CYP20A1: variants seen among roughly 807,000 people sequenced by gnomAD.
CYP20A1 encodes cytochrome P450 family 20 subfamily A member 1, also known as cytochrome P450 20A1.
In CYP20A1, 61 loss-of-function variants were observed where a neutral mutation model predicts 61.4. That is an observed-to-expected ratio of 0.99 (90% CI 0.81 to 1.23). The LOEUF (loss-of-function observed/expected upper bound fraction) is 1.23. CYP20A1 is among the 50% of genes most tolerant of loss of function. CYP20A1 has a pLI of 0.00. For missense variants in CYP20A1, 530 were observed against 542.4 expected, an observed-to-expected ratio of 0.98 and a Z score of 0.23; for synonymous variants, 193 against 188.2, an observed-to-expected ratio of 1.03 and a Z score of -0.21.
chr2:203,266,595 G>A lies in CYP20A1; in HGVS notation c.514G>A (p.Ala172Thr). ...VPLSQHMLGF[A>T]MKSVTQMVMG... ...CCTCAGCCAGCATATGCTTGGTTTTGCTATGAAGTCTGTTACACAGATGGT... is the reference window on the plus strand; with the variant it reads ...CCTCAGCCAGCATATGCTTGGTTTTACTATGAAGTCTGTTACACAGATGGT... Residue 172 changes from alanine to threonine, a missense_variant, in exon 5 of 13, where the codon GCT becomes ACT. Coordinates refer to ENST00000356079, the MANE Select transcript of CYP20A1 (RefSeq NM_177538.3). 6.2e-7 allele frequency: 1 copy of A among 1,614,048 alleles called. No homozygotes were observed. The highest frequency in any genetic ancestry group is 8.5e-7 in the Non-Finnish European group (1 of 1,179,952).
At position 203,299,766 on chromosome 2, in the gene CYP20A1, C is replaced by T. The variant is rs762690680; in HGVS notation, c.*2858C>T. On this transcript the variant is annotated 3_prime_UTR_variant, in exon 13 of 13. Transcript: ENST00000356079. ...GTGCATGCCTGTAATACCAGCTACT[C>T]GGGAGGCTGAAGCAGGAGAACTGCT... is the stretch of plus-strand genomic sequence containing the variant. Among the ~76,000 whole-genome samples, 10 of 151,926 alleles carry T rather than the reference C, an allele frequency of 6.6e-5. No individual in the cohort carries two copies. The highest frequency in any genetic ancestry group is 6.8e-3 in the Middle Eastern group (2 of 294).
chr2:203,262,995 G>GT (rs2067193972), intron 4 of CYP20A1, among the ~76,000 whole-genome samples: 1 of 145,768 alleles, frequency 6.9e-6, no homozygotes, highest in East Asian at 2.1e-4. Flanking sequence ...TTTGTTTTCT[G>GT]TTTTTTGTTT....
Position 203,293,214 on chromosome 2 carries a change from C to CTTTTTTTTT in CYP20A1, c.1148+889_1148+890insTTTTTTTTT, listed in dbSNP as rs575058733. Among the ~76,000 whole-genome samples the CTTTTTTTTT allele has an allele frequency of 1.6e-5, 2 of 128,910 alleles. 1 individual carries two copies. The allele number at this position is 128,910 out of a possible 152,430, so 84.6% of individuals were successfully genotyped here. On this transcript the variant is annotated intron_variant, in intron 11 of 12. Transcript: ENST00000356079. ...ATTTTTAAAAAAGCAGAATTTCTCTCTCTTTTTTTTTTTTTTTTTGAGATG... is the reference window on the plus strand; with the variant it reads ...ATTTTTAAAAAAGCAGAATTTCTCTCTTTTTTTTTTCTTTTTTTTTTTTTTTTTGAGATG...
intron 6 of CYP20A1, among the ~76,000 whole-genome samples, chr2:203,275,719 C>T (rs2067791742): frequency 6.6e-6 from 1 of 152,152 alleles, no homozygotes; most frequent in South Asian, 2.1e-4. Context: ...GGATTACAGG[C>T]GTGAGCCACC....
rs1315319087 is a variant in CYP20A1 at position 203,304,959 on chromosome 2, A to G, written c.*8051A>G. 6.6e-6 allele frequency among the ~76,000 whole-genome samples: 1 copy of G among 152,136 alleles called. No individual in the cohort carries two copies. The highest frequency in any genetic ancestry group is 1.9e-4 in the East Asian group (1 of 5,202). ...ATAAATAAATAAATACATGTTAAAC[A>G]TATACCTTTATTACTTCATTTTTGT... On this transcript the variant is annotated 3_prime_UTR_variant, in exon 13 of 13. Coordinates refer to ENST00000356079, the MANE Select transcript of CYP20A1 (RefSeq NM_177538.3).
rs1314975988 is a variant in CYP20A1, at chr2:203,289,831, T to A, written c.1038T>A (p.Leu346=). The A allele has an allele frequency of 1.9e-6, 3 of 1,599,096 alleles. No individual in the cohort carries two copies. The Admixed American group carries it at 5.1e-5, about 27-fold the overall frequency. The change falls in exon 10 of 13, where the codon CTT becomes CTA. Residue 346 remains leucine (L), a synonymous_variant. Transcript: ENST00000356079. ...AACTGACTCCAGTTTCTGCCCAGCT[T>A]CAAGATATTGAAGGAAAAATTGACC... ...TAKLTPVSAQ[L]QDIEGKIDRF...
chr2:203,294,584 C>T (rs1216412866), intron 11 of CYP20A1, among the ~76,000 whole-genome samples: 1 of 152,032 alleles, frequency 6.6e-6, no homozygotes, highest in Non-Finnish European at 1.5e-5. Flanking sequence ...GTACGCTTTT[C>T]ATTCGCTTTA....
At chr2:203,293,214 CTCTT>C (rs2068619280) in intron 11 of CYP20A1, among the ~76,000 whole-genome samples, 3 of 128,902 alleles carry the variant, frequency 2.3e-5, no homozygotes, top group Non-Finnish European at 1.6e-5. Context: ...GAATTTCTCT[CTCTT>C]TTTTTTTTTT....
intron 6 of CYP20A1, among the ~76,000 whole-genome samples, chr2:203,276,782 G>A (rs1449815301): frequency 2.0e-5 from 3 of 152,148 alleles, no homozygotes; most frequent in Non-Finnish European, 2.9e-5. Context: ...ACATGAGTCT[G>A]GAGCTGAAGA....
At chr2:203,244,392 G>A (rs1248872006) in intron 1 of CYP20A1, among the ~76,000 whole-genome samples, 6 of 151,978 alleles carry the variant, frequency 3.9e-5, no homozygotes, top group Non-Finnish European at 8.8e-5. Context: ...AGTACAGATG[G>A]GGTTGCCATG....
intron 11 of CYP20A1, 45 bp downstream of exon 11, chr2:203,292,371 T>C (rs1226111866): frequency 2.9e-6 from 4 of 1,370,940 alleles, no homozygotes; most frequent in Non-Finnish European, 4.2e-6. Context: ...AGTTTTTGTG[T>C]TTGCACGTTT....
intron 4 of CYP20A1, among the ~76,000 whole-genome samples, 194 bp downstream of exon 4, chr2:203,252,303 C>A (rs2066720463): frequency 6.6e-6 from 1 of 151,930 alleles, no homozygotes. Flanking sequence ...ATCTTAACAT[C>A]CAGACTCACT....
rs2069148401 is a variant in CYP20A1, at chr2:203,304,536, C to A, written c.*7628C>A. 6.6e-6 allele frequency among the ~76,000 whole-genome samples: 1 copy of A among 152,172 alleles called. No individual in the cohort carries two copies. Among genetic ancestry groups the A allele is most frequent in the African/African-American group, 2.4e-5 (1 of 41,460 alleles). On this transcript the variant is annotated 3_prime_UTR_variant, in exon 13 of 13. Coordinates refer to ENST00000356079, the MANE Select transcript of CYP20A1 (RefSeq NM_177538.3). ...TTAAGAGGAAAAAGAATGCTACCAA[C>A]CTAAACACATTTCTGTGACTGTTTA...
chr2:203,258,142 A>T (rs2066993783), intron 4 of CYP20A1, among the ~76,000 whole-genome samples: 1 of 152,162 alleles, frequency 6.6e-6, no homozygotes, highest in South Asian at 2.1e-4. Context: ...GTCTCAAGTG[A>T]TCCTCCTGCC....
intron 7 of CYP20A1, 79 bp from the exon 8 acceptor site, chr2:203,279,980 G>T (rs1007613144): frequency 4.6e-5 from 40 of 874,344 alleles, no homozygotes; most frequent in Non-Finnish European, 6.6e-5. Context: ...CTAATTTTAT[G>T]CTGTAGATTA....
At position 203,303,552 on chromosome 2, in the gene CYP20A1, G is replaced by A. The variant is rs914185824; in HGVS notation, c.*6644G>A. On this transcript the variant is annotated 3_prime_UTR_variant, in exon 13 of 13. Transcript: ENST00000356079. ...CTCTACTAAAAATACCAAAAGTAGC[G>A]GGCGTGGTGACAGGTGCCTCTAATC... is the stretch of plus-strand genomic sequence containing the variant. 3.3e-5 allele frequency among the ~76,000 whole-genome samples: 5 copies of A among 151,824 alleles called. No homozygotes were observed. The highest frequency in any genetic ancestry group is 7.3e-5 in the African/African-American group (3 of 41,356).
intron 4 of CYP20A1, among the ~76,000 whole-genome samples, chr2:203,262,427 T>C (rs544697445): frequency 6.6e-6 from 1 of 152,188 alleles, no homozygotes; most frequent in Admixed American, 6.6e-5. Context: ...GTAACTGATA[T>C]AGTGTCTTCG....
At chr2:203,249,120 G>A (rs527787807) in intron 3 of CYP20A1, among the ~76,000 whole-genome samples, 3 of 152,326 alleles carry the variant, frequency 2.0e-5, no homozygotes, top group Admixed American at 2.0e-4. Context: ...TTTGGTTGGA[G>A]AGAATGTAGA....
At chr2:203,260,406 G>GA (rs747482284) in intron 4 of CYP20A1, among the ~76,000 whole-genome samples, 17 of 151,252 alleles carry the variant, frequency 1.1e-4, no homozygotes, top group Admixed American at 2.0e-4. Flanking sequence ...ATTTTTAGTA[G>GA]AGACGGAGTT....
Sources: allele counts gnomAD v4.1 joint callset (sites outside exome capture counted in the v4.1 genomes callset), GRCh38; gene constraint gnomAD v4.1.1; transcripts MANE v1.5; gene names NCBI Gene and HGNC (gene_info 2026-07-23, HGNC 2026-07-21).